ALG13: variants seen among roughly 807,000 people sequenced by gnomAD.
The protein encoded by ALG13 is UDP-N-acetylglucosamine transferase subunit ALG13.
A neutral mutation model predicts 87.8 loss-of-function variants in ALG13; 11 were observed. That is an observed-to-expected ratio of 0.13 (90% CI 0.08 to 0.21). The LOEUF is 0.21. ALG13 is among the 10% of genes least tolerant of loss of function. The probability of loss-of-function intolerance (pLI) is 1.00; values close to 1 mark genes in which losing one functional copy is unlikely to be tolerated. For missense variants in ALG13, 756 were observed against 866.1 expected, an observed-to-expected ratio of 0.87 and a Z score of 1.60; for synonymous variants, 320 against 306.3, an observed-to-expected ratio of 1.04 and a Z score of -0.47.
chrX:111,690,995 G>A (rs1936035208), intron 3 of ALG13, among the ~76,000 whole-genome samples: 1 of 111,533 alleles, frequency 9.0e-6, no homozygotes, highest in African/African-American at 3.3e-5. Context: ...AATGACACAT[G>A]GACAGATCAT....
intron 24 of ALG13, among the ~76,000 whole-genome samples, chrX:111,747,141 T>C (rs968119684): frequency 7.2e-5 from 8 of 111,590 alleles, no homozygotes; most frequent in African/African-American, 2.6e-4. Context: ...TTTGGAAAAA[T>C]GAATGATGAC....
chrX:111,698,779 T>G (rs1937325835), intron 3 of ALG13, among the ~76,000 whole-genome samples: 1 of 112,116 alleles, frequency 8.9e-6, no homozygotes, highest in South Asian at 3.7e-4. Context: ...ACACTTAGGT[T>G]GTTTCCTTAT....
At chrX:111,756,619 A>C (rs972979756) in intron 25 of ALG13, among the ~76,000 whole-genome samples, 6 of 111,367 alleles carry the variant, frequency 5.4e-5, no homozygotes, top group Non-Finnish European at 1.1e-4. Context: ...CACTTGACTT[A>C]AAATGTAACA....
chrX:111,756,115 G>T (rs745354794), intron 25 of ALG13, among the ~76,000 whole-genome samples: 76 of 111,894 alleles, frequency 6.8e-4, no homozygotes, highest in Non-Finnish European at 1.1e-3. Context: ...TCCTTTGTAG[G>T]GACATGGATG....
intron 3 of ALG13, among the ~76,000 whole-genome samples, chrX:111,703,675 C>T (rs1038140474): frequency 1.8e-5 from 2 of 111,617 alleles, no homozygotes; most frequent in East Asian, 2.8e-4. Context: ...ATTTGAGATA[C>T]GTGTTCTTTT....
intron 23 of ALG13, among the ~76,000 whole-genome samples, chrX:111,741,052 A>G (rs1263412285): frequency 8.9e-6 from 1 of 112,464 alleles, no homozygotes; most frequent in Non-Finnish European, 1.9e-5. Context: ...AAGTCAGTCA[A>G]ACATTAGCTA....
chrX:111,741,524 T>C (rs781079307), intron 23 of ALG13, among the ~76,000 whole-genome samples: 9 of 112,030 alleles, frequency 8.0e-5, no homozygotes, highest in Non-Finnish European at 1.3e-4. Context: ...TATAAAAAGA[T>C]AAAGTGAGCA....
chrX:111,756,632 A>C (rs1945284242), intron 25 of ALG13, among the ~76,000 whole-genome samples: 1 of 111,542 alleles, frequency 9.0e-6, no homozygotes. Context: ...ATGTAACAAG[A>C]TGGCATATTT....
At chrX:111,709,899 A>G (rs1465784641) in intron 5 of ALG13, among the ~76,000 whole-genome samples, 1 of 111,670 alleles carries the variant, frequency 9.0e-6, no homozygotes, top group Non-Finnish European at 1.9e-5. Context: ...TATTAGTAAC[A>G]TTACTTCAAA....
chrX:111,754,010 T>C (rs1297693150), intron 25 of ALG13, among the ~76,000 whole-genome samples: 4 of 111,790 alleles, frequency 3.6e-5, no homozygotes. Context: ...TGAACATCGA[T>C]GTGAAAATCC....
At chrX:111,711,789 C>A in intron 6 of ALG13, 64 bp downstream of exon 6, 1 of 1,047,879 alleles carries the variant, frequency 9.5e-7, no homozygotes, top group Non-Finnish European at 1.3e-6. Context: ...TAAATTTATT[C>A]ATTCAACTGT....
At chrX:111,735,025 T>A (rs1164580885) in intron 21 of ALG13, 26 bp from the exon 22 acceptor site, 1 of 989,229 alleles carries the variant, frequency 1.0e-6, no homozygotes, top group South Asian at 2.0e-5. Flanking sequence ...TTTGTTTTTT[T>A]ATTTAACTAT....
rs1935738740 is a variant in ALG13 at position 111,689,458 on chromosome X, C to T, written c.383+4355C>T. On this transcript the variant is annotated intron_variant, in intron 3 of 26. Coordinates refer to ENST00000394780, the MANE Select transcript of ALG13 (RefSeq NM_001099922.3). ...AGACAACTAAAAGGCTATACAGCCC[C>T]TAAATCCTTTGCTATCTACTTCCCC... 5.3e-6 allele frequency: 4 copies of T among 753,741 alleles called. No individual in the cohort carries two copies. The South Asian group carries it at 2.7e-4, about 51-fold the overall frequency. 62.1% of individuals were successfully genotyped at this position (753,741 alleles called of 1,213,427 possible).
chrX:111,697,073 G>A (rs1237003269), intron 3 of ALG13, among the ~76,000 whole-genome samples: 2 of 104,445 alleles, frequency 1.9e-5, no homozygotes, highest in East Asian at 3.0e-4. Context: ...ATTTAAGCAC[G>A]AACGTGCTAA....
At chrX:111,699,375 A>C (rs751067738) in intron 3 of ALG13, among the ~76,000 whole-genome samples, 3 of 111,490 alleles carry the variant, frequency 2.7e-5, no homozygotes, top group African/African-American at 9.8e-5. Context: ...TTTGCTGTGC[A>C]GCAGCTTTTT....
Position 111,704,325 on chromosome X carries a change from A to G in ALG13, c.384-3702A>G, listed in dbSNP as rs1414899668. On this transcript the variant is annotated intron_variant, in intron 3 of 26. Coordinates refer to ENST00000394780, the MANE Select transcript of ALG13 (RefSeq NM_001099922.3). ...ACATTAGGTTAAATAGAGTTACCAT[A>G]TGATCCAGTAACTCCACTCCTAGGT... 2.7e-5 allele frequency among the ~76,000 whole-genome samples: 3 copies of G among 112,135 alleles called. No individual in the cohort carries two copies. The East Asian group carries it at 8.4e-4, about 31-fold the overall frequency.
intron 23 of ALG13, 65 bp from the exon 24 acceptor site, chrX:111,744,603 T>G: frequency 9.3e-7 from 1 of 1,079,727 alleles, no homozygotes; most frequent in Non-Finnish European, 1.2e-6. Context: ...GAAAAGTAGA[T>G]GAGCCTACTG....
intron 3 of ALG13, among the ~76,000 whole-genome samples, chrX:111,707,736 A>G (rs553771794): frequency 2.7e-5 from 3 of 111,698 alleles, no homozygotes; most frequent in Middle Eastern, 4.6e-3. Context: ...TCTTCAAGCA[A>G]TGTAATGTGG....
intron 3 of ALG13, among the ~76,000 whole-genome samples, chrX:111,690,648 T>G (rs1337096502): frequency 9.1e-6 from 1 of 109,968 alleles, no homozygotes; most frequent in Admixed American, 9.7e-5. Context: ...GGGACGGGGT[T>G]TCACCGTGTT....
Sources: allele counts gnomAD v4.1 joint callset (sites outside exome capture counted in the v4.1 genomes callset), GRCh38; gene constraint gnomAD v4.1.1; transcripts MANE v1.5; gene names NCBI Gene and HGNC (gene_info 2026-07-23, HGNC 2026-07-21).